The following IRS1 variants were observed in gnomAD, a reference collection of about 807,000 sequenced individuals.
IRS1 encodes insulin receptor substrate 1.
Under a neutral mutation model 65.6 loss-of-function variants are expected in IRS1, and 34 were observed. That is an observed-to-expected ratio of 0.52 (90% CI 0.39 to 0.69). The LOEUF (loss-of-function observed/expected upper bound fraction) is 0.69, where lower values mean the gene tolerates loss of function less well. Among genes scored for constraint, IRS1 ranks in the 30% least tolerant of loss-of-function variants. The pLI is 0.00. For missense variants in IRS1, 1,641 were observed against 1,720.2 expected, an observed-to-expected ratio of 0.95 and a Z score of 0.81; for synonymous variants, 699 against 683.5, an observed-to-expected ratio of 1.02 and a Z score of -0.35.
rs1371258003 is a variant in IRS1, at chr2:226,732,332, C to T, written c.*3940G>A. On this transcript the variant is annotated 3_prime_UTR_variant, in exon 2 of 2. Coordinates refer to ENST00000305123, the MANE Select transcript of IRS1 (RefSeq NM_005544.3). Reference sequence around the variant, plus strand: ...CCCAGTGTTTATCCTCGGTGTTCTACTCACTATGAAGCTGTTTTTGTTCTC... The same window carrying T: ...CCCAGTGTTTATCCTCGGTGTTCTATTCACTATGAAGCTGTTTTTGTTCTC... 1 of 151,930 alleles carries T rather than the reference C, an allele frequency of 6.6e-6. No homozygotes were observed. Among genetic ancestry groups the T allele is most frequent in the Non-Finnish European group, 1.5e-5 (1 of 68,008 alleles). 9.4% of individuals were successfully genotyped at this position (151,930 alleles called of 1,614,324 possible).
chr2:226,761,372 G>A (rs1938911664), intron 1 of IRS1, among the ~76,000 whole-genome samples: 1 of 152,094 alleles, frequency 6.6e-6, no homozygotes, highest in Non-Finnish European at 1.5e-5. Context: ...ACCATTCTGG[G>A]TGTGAAAACA....
chr2:226,761,604 G>A (rs1332226783), intron 1 of IRS1, among the ~76,000 whole-genome samples: 3 of 152,050 alleles, frequency 2.0e-5, no homozygotes, highest in African/African-American at 4.8e-5. Flanking sequence ...ACTTTAAATC[G>A]AATAAAAGCT....
At chr2:226,763,379 C>T (rs1382449252) in intron 1 of IRS1, among the ~76,000 whole-genome samples, 1 of 152,194 alleles carries the variant, frequency 6.6e-6, no homozygotes, top group African/African-American at 2.4e-5. Context: ...TCTTGGAAGA[C>T]TACTGTCCAC....
rs1938253777 is a variant in IRS1 at position 226,732,721 on chromosome 2, A to G, written c.*3551T>C. On this transcript the variant is annotated 3_prime_UTR_variant, in exon 2 of 2. Transcript: ENST00000305123. ...TACACACACACAAACACACACACAC[A>G]CACACACACACATATACAGCATTAC... The G allele has an allele frequency of 2.0e-5, 3 of 151,546 alleles. No individual in the cohort carries two copies. The highest frequency in any genetic ancestry group is 2.9e-5 in the Non-Finnish European group (2 of 67,946). 9.4% of individuals were successfully genotyped at this position (151,546 alleles called of 1,614,324 possible).
At chr2:226,768,706 G>A (rs1056174478) in intron 1 of IRS1, among the ~76,000 whole-genome samples, 10 of 152,012 alleles carry the variant, frequency 6.6e-5, no homozygotes, top group South Asian at 4.2e-4. Context: ...GCGCTATCTC[G>A]GCTCGCTGCA....
Position 226,794,364 on chromosome 2 carries a change from A to G in IRS1, c.*21+625T>C, listed in dbSNP as rs1939666490. ...CGTCACCCATAATTACTTTCTTGAG[A>G]GATCACAAAATAGATAGGTACTTCT... On this transcript the variant is annotated intron_variant, in intron 1 of 1. Coordinates refer to ENST00000305123, the MANE Select transcript of IRS1 (RefSeq NM_005544.3). The surrounding 1 kb of genome is among the most constrained non-coding windows in gnomAD (Gnocchi z 4.1). Among the ~76,000 whole-genome samples the G allele has an allele frequency of 6.6e-6, 1 of 152,218 alleles. No individual in the cohort carries two copies. The highest frequency in any genetic ancestry group is 2.1e-4 in the South Asian group (1 of 4,832).
chr2:226,758,752 A>T (rs1938852935), intron 1 of IRS1, among the ~76,000 whole-genome samples: 1 of 152,162 alleles, frequency 6.6e-6, no homozygotes, highest in African/African-American at 2.4e-5. Flanking sequence ...AGTTTAAAAA[A>T]AAAAGGTGTC....
chr2:226,767,753 A>G (rs1939083963), intron 1 of IRS1, among the ~76,000 whole-genome samples: 1 of 152,162 alleles, frequency 6.6e-6, no homozygotes, highest in African/African-American at 2.4e-5. Flanking sequence ...TGATGCTGGT[A>G]ATGAATGTAT....
chr2:226,787,568 G>A (rs1203041330), intron 1 of IRS1, among the ~76,000 whole-genome samples: 1 of 152,084 alleles, frequency 6.6e-6, no homozygotes, highest in African/African-American at 2.4e-5. Flanking sequence ...GAACATGATA[G>A]GTGCTCAATA....
intron 1 of IRS1, among the ~76,000 whole-genome samples, chr2:226,758,165 T>C (rs1269878998): frequency 6.6e-6 from 1 of 152,222 alleles, no homozygotes; most frequent in African/African-American, 2.4e-5. Context: ...AAAACGATTC[T>C]TCACATTTCA....
chr2:226,766,378 G>A (rs1574651068), intron 1 of IRS1, among the ~76,000 whole-genome samples: 2 of 150,672 alleles, frequency 1.3e-5, no homozygotes, highest in East Asian at 3.9e-4. Flanking sequence ...TGTCCAGGCT[G>A]GTCTTGAACT....
intron 1 of IRS1, among the ~76,000 whole-genome samples, chr2:226,791,153 G>A (rs1295757169): frequency 1.3e-5 from 2 of 152,094 alleles, no homozygotes; most frequent in South Asian, 2.1e-4. Flanking sequence ...GCACTTTCAA[G>A]CCAAAGGAAT....
At chr2:226,750,613 G>A (rs545494338) in intron 1 of IRS1, among the ~76,000 whole-genome samples, 1 of 152,246 alleles carries the variant, frequency 6.6e-6, no homozygotes, top group South Asian at 2.1e-4. Context: ...TTAATATCAT[G>A]GGTATTAGAT....
chr2:226,741,047 A>C (rs971541189), intron 1 of IRS1, among the ~76,000 whole-genome samples: 2 of 152,244 alleles, frequency 1.3e-5, no homozygotes, highest in African/African-American at 4.8e-5. Context: ...TATAAAATAC[A>C]GGAAGATGTA....
rs1017071316 is a variant in IRS1 at position 226,799,384 on chromosome 2, T to C, written c.-646A>G. On this transcript the variant is annotated 5_prime_UTR_variant, in exon 1 of 2. Transcript: ENST00000305123. This position sits in a 1 kb window ranked among gnomAD's most constrained non-coding sequence, Gnocchi z 6.1. ...TTGCTGTTGCTGCTGCTGCTGCTGC[T>C]GCTGCTGCCGCCGCCCGCGGGCGCG... 22 of 1,269,252 alleles carry C rather than the reference T, an allele frequency of 1.7e-5. No homozygotes were observed. In the African/African-American group the frequency reaches 2.1e-4, roughly 12 times the overall value. The allele number at this position is 1,269,252 out of a possible 1,614,324, so 78.6% of individuals were successfully genotyped here.
rs960514836 is a variant in IRS1, at chr2:226,799,661, C to CCCT, written c.-926_-924dup. The CCCT allele has an allele frequency of 1.1e-4, 106 of 1,000,020 alleles. No individual in the cohort carries two copies. Among genetic ancestry groups the CCCT allele is most frequent in the African/African-American group, 5.1e-4 (29 of 57,236 alleles). The allele number at this position is 1,000,020 out of a possible 1,614,324, so 61.9% of individuals were successfully genotyped here. On this transcript the variant is annotated 5_prime_UTR_variant, in exon 1 of 2. Transcript: ENST00000305123. The surrounding 1 kb of genome is among the most constrained non-coding windows in gnomAD (Gnocchi z 6.1). ...CCGCTGCAGTTACTTCTCCCCTCCT[C>CCCT]CCTCCTCCTCCTCCTCCTCGGAGAG... is the stretch of plus-strand genomic sequence containing the variant.
At chr2:226,776,192 G>A (rs191081857) in intron 1 of IRS1, among the ~76,000 whole-genome samples, 141 of 152,246 alleles carry the variant, frequency 9.3e-4, no homozygotes, top group African/African-American at 3.0e-3. Context: ...GGACACAGGC[G>A]CCAACTGAAA....
At chr2:226,771,467 G>C (rs1449086085) in intron 1 of IRS1, among the ~76,000 whole-genome samples, 1 of 152,192 alleles carries the variant, frequency 6.6e-6, no homozygotes, top group Non-Finnish European at 1.5e-5. Flanking sequence ...TTTACAGAGA[G>C]CCATGAACCA....
chr2:226,798,265 G>A lies in IRS1; in HGVS notation c.474C>T (p.Pro158=). The change falls in exon 1 of 2, where the codon CCC becomes CCT. Residue 158 remains proline (P), a synonymous_variant. Transcript: ENST00000305123. This position sits in a 1 kb window ranked among gnomAD's most constrained non-coding sequence, Gnocchi z 9.4. The stretch of plus-strand genomic sequence containing the variant: ...TCACTTGCCAGACCTCTTTGAATGC[G>A]GGTCCTGGGGGCACGTCACCGTAGC... ...DLSYGDVPPG[P]AFKEVWQVIL... is the part of the protein sequence containing the mutation. 3 of 1,613,220 alleles carry A rather than the reference G, an allele frequency of 1.9e-6. No individual in the cohort carries two copies. Among genetic ancestry groups the A allele is most frequent in the Non-Finnish European group, 2.5e-6 (3 of 1,179,916 alleles).
Sources: allele counts gnomAD v4.1 joint callset (sites outside exome capture counted in the v4.1 genomes callset), GRCh38; gene constraint gnomAD v4.1.1; non-coding constraint Gnocchi (gnomAD v3.1); transcripts MANE v1.5; gene names NCBI Gene and HGNC (gene_info 2026-07-23, HGNC 2026-07-21).